SLC4A4: variants seen among roughly 807,000 people sequenced by gnomAD.
SLC4A4 encodes the protein electrogenic sodium bicarbonate cotransporter 1.
In SLC4A4, 27 loss-of-function variants were observed where a neutral mutation model predicts 111.5. That is an observed-to-expected ratio of 0.24 (90% CI 0.18 to 0.33). The LOEUF is 0.33. Ranked by LOEUF, SLC4A4 falls within the 10% of genes least tolerant of loss-of-function variation. SLC4A4 has a pLI of 1.00. For missense variants in SLC4A4, 909 were observed against 1,315.5 expected, an observed-to-expected ratio of 0.69 and a Z score of 4.78; for synonymous variants, 443 against 463.4, an observed-to-expected ratio of 0.96 and a Z score of 0.57.
chr4:71,208,121 T>G (rs1221525182), intron 1 of SLC4A4, among the ~76,000 whole-genome samples: 9 of 152,156 alleles, frequency 5.9e-5, no homozygotes, highest in Non-Finnish European at 1.3e-4. Flanking sequence ...TCTCCTCCTT[T>G]GACAAATTAT....
At chr4:71,145,848 A>G (rs962520264) in intron 2 of SLC4A4, among the ~76,000 whole-genome samples, 2 of 151,736 alleles carry the variant, frequency 1.3e-5, no homozygotes, top group African/African-American at 2.4e-5. Context: ...TTTCTTCTTT[A>G]TTAGCCTTGC....
chr4:71,148,438 T>G (rs562312047), intron 2 of SLC4A4, among the ~76,000 whole-genome samples: 6 of 152,296 alleles, frequency 3.9e-5, no homozygotes, highest in African/African-American at 1.4e-4. Context: ...TGTGCAAGTT[T>G]GTTATATAGG....
chr4:71,137,834 A>C (rs369595907), intron 2 of SLC4A4, among the ~76,000 whole-genome samples: 1 of 152,242 alleles, frequency 6.6e-6, no homozygotes, highest in African/African-American at 2.4e-5. Flanking sequence ...GCTCACAAGT[A>C]TAAAGACAAA....
chr4:71,334,201 A>G (rs1728245538), intron 3 of SLC4A4, among the ~76,000 whole-genome samples: 1 of 152,054 alleles, frequency 6.6e-6, no homozygotes, highest in South Asian at 2.1e-4. Flanking sequence ...ATGTTTATTC[A>G]AAGCCCAAGG....
At chr4:71,566,768 C>G (rs991079998) in intron 24 of SLC4A4, among the ~76,000 whole-genome samples, 3 of 151,768 alleles carry the variant, frequency 2.0e-5, no homozygotes, top group African/African-American at 7.3e-5. Flanking sequence ...TGCTTCTTAT[C>G]CTTCTCACTG....
chr4:71,341,935 C>T (rs188629983), intron 4 of SLC4A4, among the ~76,000 whole-genome samples: 12 of 152,252 alleles, frequency 7.9e-5, no homozygotes, highest in Admixed American at 3.9e-4. Flanking sequence ...GGCTTTACTC[C>T]TAGCCCCAAC....
At chr4:71,378,595 C>T (rs930517183) in intron 6 of SLC4A4, among the ~76,000 whole-genome samples, 18 of 152,162 alleles carry the variant, frequency 1.2e-4, no homozygotes, top group South Asian at 4.2e-4. Flanking sequence ...ACAGCTCAAG[C>T]GCTAAATACT....
chr4:71,427,325 A>G (rs1276793104), intron 7 of SLC4A4, among the ~76,000 whole-genome samples: 1 of 152,072 alleles, frequency 6.6e-6, no homozygotes, highest in Non-Finnish European at 1.5e-5. Context: ...TTGCAGCTTC[A>G]TTCCACAAGT....
chr4:71,081,435 C>G (rs1365021856), intron 1 of SLC4A4, among the ~76,000 whole-genome samples: 1 of 152,174 alleles, frequency 6.6e-6, no homozygotes, highest in Non-Finnish European at 1.5e-5. Context: ...TCACACTGGT[C>G]TCACTGCAGC....
intron 7 of SLC4A4, among the ~76,000 whole-genome samples, chr4:71,421,530 T>C (rs910709138): frequency 1.3e-5 from 2 of 152,116 alleles, no homozygotes; most frequent in Non-Finnish European, 2.9e-5. Flanking sequence ...CAACAGAATA[T>C]ACATTTTTTT....
chr4:71,509,486 G>A (rs1731716253), intron 16 of SLC4A4, among the ~76,000 whole-genome samples: 1 of 151,980 alleles, frequency 6.6e-6, no homozygotes, highest in South Asian at 2.1e-4. Context: ...AGACTCAGTA[G>A]CATGGTTGCC....
intron 2 of SLC4A4, among the ~76,000 whole-genome samples, chr4:71,093,728 C>T (rs1356198296): frequency 1.3e-5 from 2 of 152,004 alleles, no homozygotes; most frequent in Non-Finnish European, 2.9e-5. Context: ...CCCTTTGTGT[C>T]TTGATATTAA....
At chr4:71,103,559 G>A (rs529999909) in intron 2 of SLC4A4, among the ~76,000 whole-genome samples, 5 of 152,132 alleles carry the variant, frequency 3.3e-5, no homozygotes, top group East Asian at 1.9e-4. Context: ...AACAGAGATT[G>A]TAACAAACTA....
chr4:71,370,777 A>G (rs1484351386), intron 6 of SLC4A4, among the ~76,000 whole-genome samples: 1 of 152,220 alleles, frequency 6.6e-6, no homozygotes, highest in East Asian at 1.9e-4. Flanking sequence ...ATTCCATGTC[A>G]GACATCCAGA....
intron 7 of SLC4A4, among the ~76,000 whole-genome samples, chr4:71,406,369 C>G (rs542930656): frequency 1.0e-3 from 157 of 152,120 alleles, no homozygotes; most frequent in Middle Eastern, 3.4e-3. Flanking sequence ...CTACTGCTCC[C>G]CAATTTCCCT....
intron 13 of SLC4A4, among the ~76,000 whole-genome samples, chr4:71,469,666 T>A (rs2149104107): frequency 6.6e-6 from 1 of 152,150 alleles, no homozygotes; most frequent in East Asian, 1.9e-4. Context: ...AATACCATTT[T>A]ACTGTAATCA....
intron 12 of SLC4A4, among the ~76,000 whole-genome samples, chr4:71,461,210 A>G (rs2149091514): frequency 6.6e-6 from 1 of 152,272 alleles, no homozygotes; most frequent in South Asian, 2.1e-4. Context: ...CTAAAGCCTG[A>G]AACACGACAG....
intron 3 of SLC4A4, among the ~76,000 whole-genome samples, chr4:71,286,101 A>C (rs2602047): frequency 1.3e-5 from 2 of 151,914 alleles, no homozygotes; most frequent in African/African-American, 2.4e-5. Context: ...TTAGACAGGC[A>C]TGGTGGCGGG....
intron 7 of SLC4A4, among the ~76,000 whole-genome samples, chr4:71,402,631 T>A (rs1472747800): frequency 2.0e-5 from 3 of 152,198 alleles, no homozygotes; most frequent in Non-Finnish European, 2.9e-5. Flanking sequence ...TGGAATCACA[T>A]CTGTGAAAAC....
Sources: gnomAD v4.1 joint callset for allele counts (sites outside exome capture counted in the v4.1 genomes callset) on GRCh38, gnomAD v4.1.1 for gene constraint, MANE v1.5 for transcripts, NCBI Gene and HGNC (gene_info 2026-07-23, HGNC 2026-07-21) for gene names.